Variants in ADARB2 observed in about 807,000 individuals in gnomAD.
The protein encoded by ADARB2 is adenosine deaminase RNA specific B2 (inactive).
ADARB2 carries 25 observed loss-of-function variants against 62.2 expected under a neutral mutation model. That is an observed-to-expected ratio of 0.40 (90% CI 0.29 to 0.56). The LOEUF is 0.56. ADARB2 is among the 20% of genes least tolerant of loss of function. ADARB2 has a pLI of 0.43. For synonymous variants in ADARB2, 572 were observed against 500.8 expected, an observed-to-expected ratio of 1.14 and a Z score of -1.90; for missense variants, 1,071 against 1,077.4, an observed-to-expected ratio of 0.99 and a Z score of 0.08.
At chr10:1,284,509 C>T (rs574473376) in intron 3 of ADARB2, among the ~76,000 whole-genome samples, 13 of 152,304 alleles carry the variant, frequency 8.5e-5, no homozygotes, top group South Asian at 2.1e-4. Flanking sequence ...TAGCACCCTG[C>T]GAGGCTCTCG....
chr10:1,264,466 A>T (rs116253209), intron 4 of ADARB2, among the ~76,000 whole-genome samples: 1 of 152,232 alleles, frequency 6.6e-6, no homozygotes, highest in Non-Finnish European at 1.5e-5. Flanking sequence ...AACTGTATTT[A>T]AACTGTCATG....
chr10:1,224,975 A>G (rs1186231210), intron 6 of ADARB2, among the ~76,000 whole-genome samples: 1 of 152,120 alleles, frequency 6.6e-6, no homozygotes, highest in Non-Finnish European at 1.5e-5. Flanking sequence ...TATCCTTGTT[A>G]ACTTTCTGTC....
chr10:1,458,779 C>T (rs994581240), intron 1 of ADARB2, among the ~76,000 whole-genome samples: 2 of 152,190 alleles, frequency 1.3e-5, no homozygotes, highest in South Asian at 2.1e-4. Context: ...CAGCAGCGAA[C>T]GTAGTTTTTT....
intron 1 of ADARB2, among the ~76,000 whole-genome samples, chr10:1,387,499 A>C (rs1186743236): frequency 1.3e-5 from 2 of 152,026 alleles, no homozygotes; most frequent in Non-Finnish European, 2.9e-5. Context: ...TCAGTGAAAA[A>C]CATATTTGCA....
At chr10:1,333,409 G>T (rs899238962) in intron 3 of ADARB2, among the ~76,000 whole-genome samples, 1 of 152,118 alleles carries the variant, frequency 6.6e-6, no homozygotes. Context: ...AGGCCTCACA[G>T]GGAGAGCCAG....
At chr10:1,652,957 T>G (rs1834129399) in intron 1 of ADARB2, among the ~76,000 whole-genome samples, 1 of 152,144 alleles carries the variant, frequency 6.6e-6, no homozygotes, top group South Asian at 2.1e-4. Flanking sequence ...AAGGCCAGTG[T>G]CCTCCCTGAG....
chr10:1,402,821 C>T (rs923514919), intron 1 of ADARB2, among the ~76,000 whole-genome samples: 2 of 152,254 alleles, frequency 1.3e-5, no homozygotes, highest in Non-Finnish European at 2.9e-5. Flanking sequence ...CCACAATTTG[C>T]AGTGTCCAGT....
At chr10:1,681,324 A>C (rs1488408437) in intron 1 of ADARB2, among the ~76,000 whole-genome samples, 1 of 152,154 alleles carries the variant, frequency 6.6e-6, no homozygotes, top group Non-Finnish European at 1.5e-5. Context: ...TCTATTCTAA[A>C]CCAGAACACA....
At chr10:1,410,742 C>T (rs1392391236) in intron 1 of ADARB2, among the ~76,000 whole-genome samples, 10 of 152,292 alleles carry the variant, frequency 6.6e-5, no homozygotes, top group Non-Finnish European at 1.3e-4. Context: ...CCAGTCTGTG[C>T]TTTGATTCAC....
intron 1 of ADARB2, among the ~76,000 whole-genome samples, chr10:1,431,262 C>T (rs1056515384): frequency 1.3e-5 from 2 of 151,896 alleles, no homozygotes; most frequent in African/African-American, 2.4e-5. Context: ...GGAATTAAAC[C>T]AGAAATCAAT....
At chr10:1,294,855 G>A (rs1053916647) in intron 3 of ADARB2, among the ~76,000 whole-genome samples, 1 of 152,190 alleles carries the variant, frequency 6.6e-6, no homozygotes, top group Non-Finnish European at 1.5e-5. Flanking sequence ...CCTGCAAATT[G>A]TATTCTCCTG....
chr10:1,588,501 G>A (rs972526277), intron 1 of ADARB2, among the ~76,000 whole-genome samples: 2 of 152,168 alleles, frequency 1.3e-5, no homozygotes, highest in Admixed American at 6.5e-5. Context: ...TAGGCCAGAC[G>A]GTGCTGCTGT....
At chr10:1,516,370 G>C (rs1052107352) in intron 1 of ADARB2, among the ~76,000 whole-genome samples, 1 of 152,178 alleles carries the variant, frequency 6.6e-6, no homozygotes, top group Non-Finnish European at 1.5e-5. Flanking sequence ...TCCCTTTCCC[G>C]AGGTGCAGCT....
intron 1 of ADARB2, among the ~76,000 whole-genome samples, chr10:1,607,715 C>G (rs1833512569): frequency 6.6e-6 from 1 of 152,210 alleles, no homozygotes; most frequent in African/African-American, 2.4e-5. Context: ...TGACTCCAGG[C>G]AGGGGACGTC....
chr10:1,486,722 C>A (rs1210621663), intron 1 of ADARB2, among the ~76,000 whole-genome samples: 1 of 152,058 alleles, frequency 6.6e-6, no homozygotes, highest in Non-Finnish European at 1.5e-5. Context: ...TGAGGGTGAC[C>A]AGGGTTGGTG....
chr10:1,571,297 TA>T (rs1554772644), intron 1 of ADARB2, among the ~76,000 whole-genome samples: 1 of 151,106 alleles, frequency 6.6e-6, no homozygotes, highest in Non-Finnish European at 1.5e-5. Flanking sequence ...TTTTTTTTTT[TA>T]AAAAAAGCCT....
At chr10:1,639,627 G>A (rs1011854681) in intron 1 of ADARB2, among the ~76,000 whole-genome samples, 1 of 152,212 alleles carries the variant, frequency 6.6e-6, no homozygotes, top group African/African-American at 2.4e-5. Context: ...AGAAGATCAT[G>A]AGGTCAGGAG....
chr10:1,270,172 A>G (rs568250098), intron 4 of ADARB2, among the ~76,000 whole-genome samples: 1 of 152,306 alleles, frequency 6.6e-6, no homozygotes, highest in East Asian at 1.9e-4. Context: ...GCTGAGAACC[A>G]TGCCAGTCAT....
rs138053132 is a variant in ADARB2 at position 1,216,454 on chromosome 10, T to A, written c.1682+497A>T. On this transcript the variant is annotated intron_variant, in intron 7 of 9. Coordinates refer to ENST00000381312, the MANE Select transcript of ADARB2 (RefSeq NM_018702.4). ...GGCCTCTCATCCCGAGACCTCCACA[T>A]GGAGGCTTTGAAAACTCCATCCAAG... The A allele has an allele frequency of 1.7e-4, 28 of 163,012 alleles. No homozygotes were observed. In the East Asian group the frequency reaches 5.2e-3, roughly 30 times the overall value. The allele number at this position is 163,012 out of a possible 1,614,324, so 10.1% of individuals were successfully genotyped here. A position where few individuals can be genotyped will look rare whatever the true frequency, so the allele number is the denominator to read the frequency against.
Sources: allele counts gnomAD v4.1 joint callset (sites outside exome capture counted in the v4.1 genomes callset), GRCh38; gene constraint gnomAD v4.1.1; transcripts MANE v1.5; gene names NCBI Gene and HGNC (gene_info 2026-07-23, HGNC 2026-07-21).